MECOM: variants seen among roughly 807,000 people sequenced by gnomAD.
The protein encoded by MECOM is MDS1 and EVI1 complex locus.
A neutral mutation model predicts 116.3 loss-of-function variants in MECOM; 13 were observed. The observed-to-expected ratio is 0.11, with a 90% CI of 0.07 to 0.18. The LOEUF is 0.18. Ranked by LOEUF, MECOM falls within the 10% of genes least tolerant of loss-of-function variation. The pLI, the probability that MECOM is intolerant of heterozygous loss-of-function variation, is 1.00. For missense variants in MECOM, 1,299 were observed against 1,509.0 expected (o/e 0.86, Z 2.31); for synonymous variants, 528 against 535.2 (o/e 0.99, Z 0.19).
At chr3:169,085,856 A>C (rs1717546795) in intron 16 of MECOM, among the ~76,000 whole-genome samples, 1 of 152,190 alleles carries the variant, frequency 6.6e-6, no homozygotes, top group South Asian at 2.1e-4. Flanking sequence ...AAAATATTCA[A>C]ATGAAATGTT....
At chr3:169,177,833 G>T (rs1293353844) in intron 2 of MECOM, among the ~76,000 whole-genome samples, 1 of 151,742 alleles carries the variant, frequency 6.6e-6, no homozygotes, top group Non-Finnish European at 1.5e-5. Flanking sequence ...CAGGAGAATT[G>T]CTTGAACCCG....
Position 169,116,187 on chromosome 3 carries a change from T to C in MECOM, c.1685A>G (p.Glu562Gly), listed in dbSNP as rs1184576893. The stretch of plus-strand genomic sequence containing the variant: ...AAAGGGCCTCTCTTCAGAGGACCTC[T>C]CGGGCTGGAGCTCCACTGGCTTATT... ...GDNKPVELQPERSSEERPFEK... is the reference protein window; with the variant it reads ...GDNKPVELQPGRSSEERPFEK... Residue 562 changes from glutamate to glycine, a missense_variant, in exon 8 of 17, where the codon GAG (glutamate) becomes GGG (glycine). By Grantham distance (98) the Glu-to-Gly change is moderately conservative. This residue lies in a region of MECOM where 238 missense variants were observed against 273.1 expected (regional missense o/e 0.87). Transcript: ENST00000651503. 6.2e-6 allele frequency: 10 copies of C among 1,614,050 alleles called. No individual in the cohort carries two copies. The African/African-American group carries it at 1.2e-4, about 19-fold the overall frequency.
At chr3:169,610,658 T>C (rs1169188665) in intron 1 of MECOM, among the ~76,000 whole-genome samples, 1 of 152,190 alleles carries the variant, frequency 6.6e-6, no homozygotes, top group African/African-American at 2.4e-5. Flanking sequence ...TACATGTGCA[T>C]AAGAGGGAAT....
At chr3:169,186,383 AGGGAGGG>A (rs1746761557) in intron 2 of MECOM, among the ~76,000 whole-genome samples, 68 of 25,556 alleles carry the variant, frequency 2.7e-3, no homozygotes, top group African/African-American at 7.2e-3. Context: ...GAAGGAAGGG[AGGGAGGG>A]AGGGAGGGAG....
chr3:169,511,590 C>T (rs565039441), intron 1 of MECOM, among the ~76,000 whole-genome samples: 13 of 152,198 alleles, frequency 8.5e-5, no homozygotes, highest in African/African-American at 1.7e-4. Context: ...GGCAAAACCC[C>T]GTCTCTTCTT....
At chr3:169,392,687 G>A (rs547800424) in intron 1 of MECOM, among the ~76,000 whole-genome samples, 7 of 152,234 alleles carry the variant, frequency 4.6e-5, no homozygotes, top group African/African-American at 1.7e-4. Context: ...AAAGTGCTGA[G>A]TGCTAAAAGA....
At chr3:169,300,473 A>G (rs1221534969) in intron 2 of MECOM, among the ~76,000 whole-genome samples, 1 of 152,202 alleles carries the variant, frequency 6.6e-6, no homozygotes, top group Non-Finnish European at 1.5e-5. Context: ...AGTTGACTCA[A>G]AACAGTTATA....
chr3:169,610,858 G>C (rs1769177805), intron 1 of MECOM, among the ~76,000 whole-genome samples: 1 of 152,170 alleles, frequency 6.6e-6, no homozygotes, highest in Non-Finnish European at 1.5e-5. Context: ...AACAAGGCTG[G>C]CACATAGTAG....
chr3:169,566,078 G>A (rs1576908872), intron 1 of MECOM: 1 of 350,434 alleles, frequency 2.9e-6, no homozygotes, highest in South Asian at 2.2e-5. Context: ...AGCAATGAGA[G>A]GAACTGCCAA....
At position 169,185,054 on chromosome 3, in the gene MECOM, A is replaced by C. The variant is rs181959340; in HGVS notation, c.376-41222T>G. On this transcript the variant is annotated intron_variant, in intron 2 of 16. Transcript: ENST00000651503. ...CCCAAAAGGAATAAGGAGAGGGCGGATATATTTCACTTTATTTGACGTGGG... is the reference window on the plus strand; with the variant it reads ...CCCAAAAGGAATAAGGAGAGGGCGGCTATATTTCACTTTATTTGACGTGGG... Among the ~76,000 whole-genome samples, 593 of 152,318 alleles carry C rather than the reference A, an allele frequency of 3.9e-3. 1 individual carries two copies. The highest frequency in any genetic ancestry group is 5.7e-3 in the Non-Finnish European group (389 of 68,024).
At chr3:169,419,070 C>T (rs150333238) in intron 1 of MECOM, among the ~76,000 whole-genome samples, 6,758 of 152,174 alleles carry the variant, frequency 0.044, 461 homozygotes, top group Admixed American at 0.19. Flanking sequence ...AATCAATGTG[C>T]AAAAATCACA....
intron 1 of MECOM, among the ~76,000 whole-genome samples, chr3:169,614,124 T>C (rs1560495428): frequency 1.4e-5 from 1 of 73,682 alleles, no homozygotes; most frequent in African/African-American, 4.1e-5. Flanking sequence ...CTTTTTTTTT[T>C]CTCTCTCTCT....
At chr3:169,248,996 A>G (rs1755928776) in intron 2 of MECOM, among the ~76,000 whole-genome samples, 1 of 152,102 alleles carries the variant, frequency 6.6e-6, no homozygotes. Context: ...TCTCCATCCC[A>G]TTTATAGGCA....
intron 1 of MECOM, among the ~76,000 whole-genome samples, chr3:169,414,100 C>G (rs897152693): frequency 6.6e-6 from 1 of 152,200 alleles, no homozygotes; most frequent in Non-Finnish European, 1.5e-5. Context: ...AGGGAGATAT[C>G]TCCCATCAGG....
intron 2 of MECOM, 31 bp downstream of exon 2, chr3:169,381,156 A>G (rs1436508070): frequency 6.4e-7 from 1 of 1,553,790 alleles, no homozygotes; most frequent in African/African-American, 1.4e-5. Flanking sequence ...GCTGCAATAT[A>G]TAAATGTGTT....
chr3:169,608,366 A>G (rs932172809), intron 1 of MECOM, among the ~76,000 whole-genome samples: 3 of 152,138 alleles, frequency 2.0e-5, no homozygotes, highest in Non-Finnish European at 4.4e-5. Flanking sequence ...CCTCACAGCC[A>G]ATTCGGGCAG....
chr3:169,271,209 C>T (rs1758904874), intron 2 of MECOM, among the ~76,000 whole-genome samples: 1 of 152,146 alleles, frequency 6.6e-6, no homozygotes, highest in South Asian at 2.1e-4. Flanking sequence ...GGAACCACTC[C>T]CTCTACATCA....
intron 1 of MECOM, among the ~76,000 whole-genome samples, chr3:169,416,389 A>G (rs558786161): frequency 6.6e-6 from 1 of 152,214 alleles, no homozygotes; most frequent in African/African-American, 2.4e-5. Context: ...TTTAAAGGGA[A>G]ATGTATAGCA....
intron 2 of MECOM, among the ~76,000 whole-genome samples, chr3:169,262,523 A>G (rs960796398): frequency 6.6e-6 from 1 of 152,080 alleles, no homozygotes; most frequent in African/African-American, 2.4e-5. Flanking sequence ...GAGTCGTGGG[A>G]CGGAATTTGA....
Sources: gnomAD v4.1 joint callset for allele counts (sites outside exome capture counted in the v4.1 genomes callset) on GRCh38, gnomAD v4.1.1 for gene constraint, gnomAD v4.1.1 regional missense constraint, MANE v1.5 for transcripts, NCBI Gene and HGNC (gene_info 2026-07-23, HGNC 2026-07-21) for gene names.